CCDC171: variants seen among roughly 807,000 people sequenced by gnomAD.
The protein encoded by CCDC171 is coiled-coil domain containing 171.
CCDC171 carries 177 observed loss-of-function variants against 168.2 expected under a neutral mutation model. That is an observed-to-expected ratio of 1.05 (90% CI 0.93 to 1.19). The LOEUF (loss-of-function observed/expected upper bound fraction) is 1.19, where lower values mean the gene tolerates loss of function less well. Among genes scored for constraint, CCDC171 ranks in the 50% most tolerant of loss-of-function variants. The pLI is 0.00. For missense variants in CCDC171, 1,991 were observed against 1,539.0 expected (o/e 1.29, Z -4.91); for synonymous variants, 687 against 540.8 (o/e 1.27, Z -3.75).
At chr9:15,788,833 G>T (rs891421680) in intron 21 of CCDC171, among the ~76,000 whole-genome samples, 3 of 152,114 alleles carry the variant, frequency 2.0e-5, no homozygotes, top group Non-Finnish European at 2.9e-5. Flanking sequence ...GATTACAGGT[G>T]TGAGCCACTG....
chr9:15,750,920 T>C (rs1387910950), intron 18 of CCDC171, among the ~76,000 whole-genome samples: 1 of 152,170 alleles, frequency 6.6e-6, no homozygotes, highest in Admixed American at 6.5e-5. Context: ...TATTGGAAGT[T>C]CTGGCCAGGA....
At chr9:15,860,007 T>A (rs1469020473) in intron 23 of CCDC171, among the ~76,000 whole-genome samples, 2 of 151,484 alleles carry the variant, frequency 1.3e-5, no homozygotes, top group South Asian at 2.1e-4. Context: ...AATCATTCAG[T>A]CTTGTTAGGT....
intron 6 of CCDC171, among the ~76,000 whole-genome samples, chr9:15,608,898 C>T (rs2043423400): frequency 8.5e-6 from 1 of 118,006 alleles, no homozygotes; most frequent in Admixed American, 1.3e-4. Context: ...GTCAAGGCTG[C>T]ATTGTCCTAT....
intron 21 of CCDC171, among the ~76,000 whole-genome samples, chr9:15,834,590 T>C (rs1345410036): frequency 6.6e-6 from 1 of 152,234 alleles, no homozygotes; most frequent in African/African-American, 2.4e-5. Flanking sequence ...GATATGACTT[T>C]ATAATGCTTT....
At chr9:15,842,730 T>A (rs1341521202) in intron 21 of CCDC171, among the ~76,000 whole-genome samples, 1 of 151,862 alleles carries the variant, frequency 6.6e-6, no homozygotes, top group African/African-American at 2.4e-5. Flanking sequence ...TTTAAAAAAA[T>A]TTTCATTGCA....
intron 24 of CCDC171, among the ~76,000 whole-genome samples, chr9:15,913,799 T>C (rs180928218): frequency 6.6e-6 from 1 of 152,364 alleles, no homozygotes; most frequent in Non-Finnish European, 1.5e-5. Flanking sequence ...TTGTTTTTGC[T>C]GTCGGTGACC....
At chr9:16,073,319 C>G in the CCDC171 span, among the ~76,000 whole-genome samples, 60,741 of 151,992 alleles carry the variant, frequency 0.4, 12,872 homozygotes, top group African/African-American at 0.55. Context: ...GTTAGACACA[C>G]ATATTTTATT....
downstream of CCDC171, among the ~76,000 whole-genome samples, chr9:15,978,666 C>A (rs935573287): frequency 6.6e-6 from 1 of 152,176 alleles, no homozygotes; most frequent in Admixed American, 6.6e-5. Flanking sequence ...TGCTTCACAA[C>A]AATTCAGATA....
chr9:15,997,487 C>G (rs770052902), intron 3 of CCDC171, among the ~76,000 whole-genome samples: 12 of 152,200 alleles, frequency 7.9e-5, no homozygotes, highest in Non-Finnish European at 1.2e-4. Context: ...GCTTGGCTGC[C>G]AGAGTCCAGA....
At chr9:16,040,338 A>G (rs1411773611), upstream of CCDC171, among the ~76,000 whole-genome samples, 1 of 152,114 alleles carries the variant, frequency 6.6e-6, no homozygotes, top group African/African-American at 2.4e-5. Context: ...ATGGACTGTC[A>G]TCTAGAAGGT....
the CCDC171 span, among the ~76,000 whole-genome samples, chr9:16,082,693 TA>T: frequency 6.6e-6 from 1 of 152,238 alleles, no homozygotes; most frequent in Non-Finnish European, 1.5e-5. Flanking sequence ...GTGAGCTTTT[TA>T]TAAACCAGTA....
At chr9:15,734,407 G>C (rs560700145) in intron 16 of CCDC171, among the ~76,000 whole-genome samples, 1 of 152,052 alleles carries the variant, frequency 6.6e-6, no homozygotes, top group African/African-American at 2.4e-5. Flanking sequence ...GCGTGGTGGC[G>C]CATGCCTGTA....
chr9:16,108,828 G>A, the CCDC171 span, among the ~76,000 whole-genome samples: 1 of 152,136 alleles, frequency 6.6e-6, no homozygotes, highest in Non-Finnish European at 1.5e-5. Context: ...AGCCTCACCA[G>A]AAGCTGAACA....
chr9:15,567,697 C>T lies in CCDC171; in HGVS notation c.41+3568C>T, dbSNP rs148984070. Among the ~76,000 whole-genome samples, 1,443 of 151,922 alleles carry T rather than the reference C, an allele frequency of 9.5e-3. 25 individuals are homozygous for T. Among genetic ancestry groups the T allele is most frequent in the African/African-American group, 0.033 (1,379 of 41,422 alleles). ...TGAGACAAGGTCTTGCTCTGTTGCC[C>T]AGGCTAGAGTACAGTGGCATGATCT... On this transcript the variant is annotated intron_variant, in intron 2 of 25. Coordinates refer to ENST00000380701, the MANE Select transcript of CCDC171 (RefSeq NM_173550.4).
rs1368549207 is a variant in CCDC171, at chr9:16,058,083, C to T, written n.90-2563C>T. ...TAATAATAATAATAAATTGGTTCAC[C>T]CGTCTGTCAGAGCTGCCAAGAAATA... On this transcript the variant is annotated intron_variant and non_coding_transcript_variant, in intron 1 of 1. Transcript: ENST00000478913. 4.6e-5 allele frequency among the ~76,000 whole-genome samples: 7 copies of T among 151,988 alleles called. No homozygotes were observed. The South Asian group carries it at 1.0e-3, about 23-fold the overall frequency.
chr9:15,832,397 A>T (rs370437828), intron 21 of CCDC171, among the ~76,000 whole-genome samples: 10 of 152,232 alleles, frequency 6.6e-5, no homozygotes, highest in East Asian at 5.8e-4. Flanking sequence ...TTGTACAAAC[A>T]TCATATAATG....
At chr9:15,825,003 G>A (rs1374537214) in intron 21 of CCDC171, among the ~76,000 whole-genome samples, 2 of 151,998 alleles carry the variant, frequency 1.3e-5, no homozygotes, top group African/African-American at 2.4e-5. Context: ...TTGAAGAGAT[G>A]GAAGGAGTTT....
At chr9:15,655,258 C>G (rs1457618364) in intron 7 of CCDC171, among the ~76,000 whole-genome samples, 2 of 151,916 alleles carry the variant, frequency 1.3e-5, no homozygotes, top group African/African-American at 4.8e-5. Flanking sequence ...CAAATTTCAT[C>G]TAGGAAGGGA....
chr9:15,613,750 C>T (rs1481072640), intron 6 of CCDC171, among the ~76,000 whole-genome samples: 1 of 152,042 alleles, frequency 6.6e-6, no homozygotes, highest in African/African-American at 2.4e-5. Flanking sequence ...GTCTTGAACT[C>T]CTGACCTTGT....
Sources: allele counts gnomAD v4.1 joint callset (sites outside exome capture counted in the v4.1 genomes callset), GRCh38; gene constraint gnomAD v4.1.1; transcripts MANE v1.5; gene names NCBI Gene and HGNC (gene_info 2026-07-23, HGNC 2026-07-21).